SCML4: variants seen among roughly 807,000 people sequenced by gnomAD.
The protein encoded by SCML4 is Scm polycomb group protein like 4.
In SCML4, 34 loss-of-function variants were observed where a neutral mutation model predicts 41.1. The ratio of observed to expected loss-of-function variants is 0.83; its 90% CI spans 0.63 to 1.10. SCML4 has a LOEUF of 1.10. SCML4 is among the 50% of genes least tolerant of loss of function. The pLI is 0.00. For synonymous variants in SCML4, 214 were observed against 220.9 expected, an observed-to-expected ratio of 0.97 and a Z score of 0.28; for missense variants, 522 against 534.1, an observed-to-expected ratio of 0.98 and a Z score of 0.22.
intron 5 of SCML4, among the ~76,000 whole-genome samples, chr6:107,726,793 AC>A (rs1776031850): frequency 6.6e-6 from 1 of 152,024 alleles, no homozygotes; most frequent in Non-Finnish European, 1.5e-5. Flanking sequence ...GAACCCCCAC[AC>A]CCTGCTGGTA....
chr6:107,773,199 G>A (rs1780650813), intron 1 of SCML4, among the ~76,000 whole-genome samples: 1 of 152,188 alleles, frequency 6.6e-6, no homozygotes, highest in Admixed American at 6.5e-5. Context: ...CCAAGGCAAA[G>A]ATGGCAGGAC....
chr6:107,803,006 G>A (rs1358146716), intron 1 of SCML4, among the ~76,000 whole-genome samples: 5 of 151,690 alleles, frequency 3.3e-5, no homozygotes, highest in East Asian at 2.0e-4. Flanking sequence ...TCGGCCTCCC[G>A]AGGTGCCGGG....
intron 1 of SCML4, among the ~76,000 whole-genome samples, chr6:107,779,931 C>G (rs907853893): frequency 6.6e-6 from 1 of 152,254 alleles, no homozygotes; most frequent in Non-Finnish European, 1.5e-5. Flanking sequence ...CCAGTTTCAT[C>G]AAGCACTGAT....
At chr6:107,759,132 CAAAAAA>C (rs60124415) in intron 2 of SCML4, among the ~76,000 whole-genome samples, 5 of 88,232 alleles carry the variant, frequency 5.7e-5, no homozygotes, top group East Asian at 3.4e-4. Context: ...ACAAAAAATA[CAAAAAA>C]AAAAAAAAAA....
At chr6:107,749,936 G>T in intron 2 of SCML4, 123 bp from the exon 3 acceptor site, 2 of 964,388 alleles carry the variant, frequency 2.1e-6, no homozygotes, top group Non-Finnish European at 1.6e-6. Flanking sequence ...TTTCCATCCT[G>T]CAGTTTCGGG....
Position 107,704,985 on chromosome 6 carries a change from T to C in SCML4, c.*215A>G. ...TAAAAATCACAGGCTTTTGTAATTT[T>C]TTGGCAAATTATGAACACAGAGGAG... On this transcript the variant is annotated 3_prime_UTR_variant, in exon 8 of 8. Coordinates refer to ENST00000369020, the MANE Select transcript of SCML4 (RefSeq NM_198081.5). 3 of 606,744 alleles carry C rather than the reference T, an allele frequency of 4.9e-6. No homozygotes were observed. The highest frequency in any genetic ancestry group is 4.4e-4 in the Middle Eastern group (1 of 2,254). 37.6% of individuals were successfully genotyped at this position (606,744 alleles called of 1,614,324 possible). A position where few individuals can be genotyped will look rare whatever the true frequency, so the allele number is the denominator to read the frequency against.
chr6:107,788,831 A>C (rs1583588900), intron 1 of SCML4, among the ~76,000 whole-genome samples: 1 of 152,226 alleles, frequency 6.6e-6, no homozygotes, highest in Admixed American at 6.5e-5. Context: ...GGGTCTTCAA[A>C]TACTAGGAAA....
At chr6:107,718,571 C>G (rs1178185638) in intron 6 of SCML4, 2 of 152,382 alleles carry the variant, frequency 1.3e-5, no homozygotes, top group Non-Finnish European at 2.9e-5. Flanking sequence ...GGCTGGGGGA[C>G]AGGAGCTATG....
intron 2 of SCML4, among the ~76,000 whole-genome samples, chr6:107,754,540 G>A (rs11963898): frequency 0.034 from 5,172 of 152,258 alleles, 142 homozygotes; most frequent in Non-Finnish European, 0.053. Context: ...AGGACTTCAG[G>A]CAGTGACTTC....
chr6:107,765,553 T>G (rs1779966907), intron 2 of SCML4, among the ~76,000 whole-genome samples: 1 of 152,214 alleles, frequency 6.6e-6, no homozygotes, highest in Admixed American at 6.5e-5. Flanking sequence ...TACAAGTTAA[T>G]AAAGTTTGTA....
upstream of SCML4, among the ~76,000 whole-genome samples, chr6:107,826,395 C>T (rs545695106): frequency 8.5e-5 from 13 of 152,178 alleles, no homozygotes; most frequent in Non-Finnish European, 1.2e-4. Flanking sequence ...GGTTATTATA[C>T]TCACACCCGT....
chr6:107,722,764 A>G (rs1775556977), intron 5 of SCML4, among the ~76,000 whole-genome samples: 1 of 152,250 alleles, frequency 6.6e-6, no homozygotes, highest in Admixed American at 6.5e-5. Context: ...GACTAAAAAT[A>G]AAAGTCTTTG....
chr6:107,773,707 G>A (rs1441402942), intron 1 of SCML4, among the ~76,000 whole-genome samples: 2 of 152,102 alleles, frequency 1.3e-5, no homozygotes, highest in Non-Finnish European at 2.9e-5. Flanking sequence ...TGAGTTCAGG[G>A]GTCAGACTTC....
intron 1 of SCML4, 62 bp downstream of exon 1, chr6:107,824,063 CT>C (rs1785137069): frequency 6.6e-6 from 1 of 152,218 alleles, no homozygotes; most frequent in Non-Finnish European, 1.5e-5. Context: ...ACCTGTCATG[CT>C]GACAGTTACA....
intron 1 of SCML4, among the ~76,000 whole-genome samples, chr6:107,804,022 C>G (rs543331570): frequency 7.0e-6 from 1 of 142,632 alleles, no homozygotes; most frequent in African/African-American, 2.7e-5. Flanking sequence ...TCCCCCTCTG[C>G]GAGAAACACC....
chr6:107,737,159 T>C (rs914716733), intron 5 of SCML4, among the ~76,000 whole-genome samples: 4 of 152,212 alleles, frequency 2.6e-5, no homozygotes, highest in Non-Finnish European at 5.9e-5. Flanking sequence ...CCCAGGTCTA[T>C]CTAGCAGGAA....
At chr6:107,794,236 A>T (rs1218893120) in intron 1 of SCML4, among the ~76,000 whole-genome samples, 3 of 152,240 alleles carry the variant, frequency 2.0e-5, no homozygotes, top group African/African-American at 7.2e-5. Flanking sequence ...ATTGGATTGA[A>T]TTAAACAGAT....
intron 1 of SCML4, among the ~76,000 whole-genome samples, chr6:107,782,532 C>T (rs1781587875): frequency 2.6e-5 from 4 of 152,268 alleles, no homozygotes. Flanking sequence ...GGGCTGTTTC[C>T]CTCAGCTGCA....
chr6:107,755,682 G>T, intron 2 of SCML4: 2 of 731,388 alleles, frequency 2.7e-6, no homozygotes, highest in Non-Finnish European at 3.9e-6. Flanking sequence ...AAAAAAAAAA[G>T]CTGTCTATTT....
Sources: allele counts gnomAD v4.1 joint callset (sites outside exome capture counted in the v4.1 genomes callset), GRCh38; gene constraint gnomAD v4.1.1; transcripts MANE v1.5; gene names NCBI Gene and HGNC (gene_info 2026-07-23, HGNC 2026-07-21).